The following MACF1 variants were observed in gnomAD, a reference collection of about 807,000 sequenced individuals.
The protein encoded by MACF1 is microtubule-actin cross-linking factor 1.
A neutral mutation model predicts 854.8 loss-of-function variants in MACF1; 193 were observed. The observed-to-expected ratio is 0.23, with a 90% CI of 0.20 to 0.25. MACF1 has a LOEUF of 0.25. Ranked by LOEUF, MACF1 falls within the 10% of genes least tolerant of loss-of-function variation. MACF1 has a pLI of 1.00. For missense variants in MACF1, 7,722 were observed against 8,929.1 expected, an observed-to-expected ratio of 0.86 and a Z score of 5.45; for synonymous variants, 3,185 against 3,226.7, an observed-to-expected ratio of 0.99 and a Z score of 0.44.
rs929030507 is a variant in MACF1 at position 39,469,661 on chromosome 1, G to C, written c.21958+46G>C. ...CCTCTTCCTCACACCCTAGCCCATT[G>C]AGAATGGCTTTGCTTCTTAAACTGT... is the stretch of plus-strand genomic sequence containing the variant. On this transcript the variant is annotated intron_variant, in intron 97 of 100. Coordinates refer to ENST00000564288, the MANE Select transcript of MACF1 (RefSeq NM_001394062.1). 4.2e-6 allele frequency: 6 copies of C among 1,419,054 alleles called. No homozygotes were observed. The Admixed American group carries it at 9.8e-5, about 23-fold the overall frequency. The allele number at this position is 1,419,054 out of a possible 1,614,324, so 87.9% of individuals were successfully genotyped here.
chr1:39,170,874 C>G (rs1208196019), intron 2 of MACF1, among the ~76,000 whole-genome samples: 1 of 152,164 alleles, frequency 6.6e-6, no homozygotes, highest in Non-Finnish European at 1.5e-5. Flanking sequence ...CAGATGGTTT[C>G]TTTGCACTAG....
At chr1:39,156,008 C>T (rs1036397592) in intron 2 of MACF1, among the ~76,000 whole-genome samples, 2 of 152,212 alleles carry the variant, frequency 1.3e-5, no homozygotes, top group African/African-American at 4.8e-5. Flanking sequence ...CTGCCTCAGC[C>T]TCCCAAGTAT....
At chr1:39,344,579 T>G (rs1258265256) in intron 40 of MACF1, among the ~76,000 whole-genome samples, 1 of 152,164 alleles carries the variant, frequency 6.6e-6, no homozygotes, top group African/African-American at 2.4e-5. Context: ...GGGGTTACGT[T>G]TCTCCTCCCC....
At chr1:39,431,594 C>A (rs1265926773) in intron 66 of MACF1, among the ~76,000 whole-genome samples, 1 of 152,208 alleles carries the variant, frequency 6.6e-6, no homozygotes, top group Non-Finnish European at 1.5e-5. Context: ...CCAGATATTT[C>A]AATATGAAAT....
At chr1:39,278,617 A>G (rs1316010863) in intron 6 of MACF1, among the ~76,000 whole-genome samples, 1 of 152,234 alleles carries the variant, frequency 6.6e-6, no homozygotes, top group Non-Finnish European at 1.5e-5. Flanking sequence ...TTACATCAAC[A>G]AATCTATTTC....
intron 52 of MACF1, among the ~76,000 whole-genome samples, chr1:39,373,870 A>T (rs1290475657): frequency 6.6e-6 from 1 of 151,268 alleles, no homozygotes; most frequent in Non-Finnish European, 1.5e-5. Flanking sequence ...AAAAAAAATC[A>T]GTACTTCAAA....
At chr1:39,269,928 C>T (rs1645284314) in intron 6 of MACF1, among the ~76,000 whole-genome samples, 1 of 152,184 alleles carries the variant, frequency 6.6e-6, no homozygotes. Context: ...TCTGGGGAAT[C>T]CCTGATTCTG....
intron 72 of MACF1, 39 bp from the exon 73 acceptor site, chr1:39,440,964 T>C: frequency 6.2e-7 from 1 of 1,612,748 alleles, no homozygotes; most frequent in South Asian, 1.1e-5. Context: ...TTCTGTTCTG[T>C]TTTCTATTTT....
chr1:39,266,393 G>T (rs1391150327), intron 6 of MACF1, among the ~76,000 whole-genome samples: 3 of 152,142 alleles, frequency 2.0e-5, no homozygotes, highest in Non-Finnish European at 2.9e-5. Context: ...TCTCTCCCAT[G>T]CTCTCTGCTT....
chr1:39,242,638 G>A (rs1382641640), intron 2 of MACF1, among the ~76,000 whole-genome samples: 1 of 151,534 alleles, frequency 6.6e-6, no homozygotes, highest in African/African-American at 2.4e-5. Context: ...GGGAGACTGA[G>A]GTGAGAGGAT....
rs117861463 is a variant in MACF1, at chr1:39,278,499, T to G, written c.529-3709T>G. On this transcript the variant is annotated intron_variant, in intron 6 of 100. Transcript: ENST00000564288. ...AAATGAGAGATGTTATTAGAAAGATTATGGCTGTAATGAACATACAATATC... is the reference window on the plus strand; with the variant it reads ...AAATGAGAGATGTTATTAGAAAGATGATGGCTGTAATGAACATACAATATC... Among the ~76,000 whole-genome samples, 36 of 152,346 alleles carry G rather than the reference T, an allele frequency of 2.4e-4. No individual in the cohort carries two copies. The East Asian group carries it at 6.4e-3, about 27-fold the overall frequency.
intron 2 of MACF1, among the ~76,000 whole-genome samples, chr1:39,163,108 T>C (rs1310799145): frequency 6.6e-6 from 1 of 151,984 alleles, no homozygotes; most frequent in African/African-American, 2.4e-5. Context: ...ATCCCAGCAC[T>C]TTGGGACGCC....
chr1:39,366,970 C>T lies in MACF1; in HGVS notation c.12772-1178C>T, dbSNP rs532284022. On this transcript the variant is annotated intron_variant, in intron 49 of 100. Transcript: ENST00000564288. Reference sequence around the variant, plus strand: ...TTTTTTTTTTTTTTTTTTTTGGAGGCGGAGTCTCACTCTGTTGCCCAGGCT... The same window carrying T: ...TTTTTTTTTTTTTTTTTTTTGGAGGTGGAGTCTCACTCTGTTGCCCAGGCT... Among the ~76,000 whole-genome samples, 117 of 102,714 alleles carry T rather than the reference C, an allele frequency of 1.1e-3. 1 individual carries two copies. The highest frequency in any genetic ancestry group is 1.7e-3 in the Non-Finnish European group (90 of 52,748). The allele number at this position is 102,714 out of a possible 152,430, so 67.4% of individuals were successfully genotyped here.
intron 2 of MACF1, among the ~76,000 whole-genome samples, chr1:39,104,039 G>A (rs1157478102): frequency 6.6e-6 from 1 of 152,218 alleles, no homozygotes; most frequent in Admixed American, 6.5e-5. Context: ...AATGGGAACT[G>A]GAATGGAAGC....
intron 2 of MACF1, among the ~76,000 whole-genome samples, chr1:39,094,146 G>GT (rs1291072476): frequency 6.6e-6 from 1 of 152,080 alleles, no homozygotes; most frequent in Non-Finnish European, 1.5e-5. Flanking sequence ...CTGACTGACT[G>GT]GCTATAATGG....
chr1:39,290,843 A>ATT (rs111684577), intron 15 of MACF1, among the ~76,000 whole-genome samples: 5 of 140,860 alleles, frequency 3.5e-5, no homozygotes, highest in African/African-American at 7.8e-5. Flanking sequence ...AATTTTTTGT[A>ATT]TTTTTTTTTT....
rs1252909765 is a variant in MACF1 at position 39,284,040 on chromosome 1, G to T, written c.916-26G>T. 2.5e-6 allele frequency: 4 copies of T among 1,611,964 alleles called. No individual in the cohort carries two copies. The South Asian group carries it at 3.3e-5, about 13-fold the overall frequency. On this transcript the variant is annotated intron_variant, in intron 9 of 100. Transcript: ENST00000564288. ...TTGTTTTGGATATTGCTAATCAGGT[G>T]TGTGATGTTTACCTTCTGGCAATAG...
intron 1 of MACF1, among the ~76,000 whole-genome samples, chr1:39,224,907 G>A (rs887480275): frequency 5.9e-5 from 9 of 152,154 alleles, no homozygotes; most frequent in Non-Finnish European, 8.8e-5. Context: ...TAATTAGGCC[G>A]GATACAGTGG....
intron 79 of MACF1, 69 bp from the exon 80 acceptor site, chr1:39,444,593 A>G (rs991355062): frequency 2.9e-6 from 4 of 1,397,182 alleles, no homozygotes; most frequent in Non-Finnish European, 3.9e-6. Context: ...AGACTCTGCT[A>G]CAGAATCTAT....
Sources: gnomAD v4.1 joint callset for allele counts (sites outside exome capture counted in the v4.1 genomes callset) on GRCh38, gnomAD v4.1.1 for gene constraint, MANE v1.5 for transcripts, NCBI Gene and HGNC (gene_info 2026-07-23, HGNC 2026-07-21) for gene names.